The following ADGRE5 variants were observed in gnomAD, a reference collection of about 807,000 sequenced individuals.
The protein encoded by ADGRE5 is CD97 molecule.
In ADGRE5, 72 loss-of-function variants were observed where a neutral mutation model predicts 100.3. The ratio of observed to expected loss-of-function variants is 0.72; its 90% CI spans 0.59 to 0.87. The LOEUF (loss-of-function observed/expected upper bound fraction) is 0.87. Among genes scored for constraint, ADGRE5 ranks in the 40% least tolerant of loss-of-function variants. ADGRE5 has a pLI of 0.00. For missense variants in ADGRE5, 959 were observed against 1,094.7 expected (o/e 0.88, Z 1.75); for synonymous variants, 439 against 447.8 (o/e 0.98, Z 0.25).
At chr19:14,394,366 C>T (rs1975701430) in intron 4 of ADGRE5, among the ~76,000 whole-genome samples, 2 of 152,028 alleles carry the variant, frequency 1.3e-5, no homozygotes. Flanking sequence ...AGTGTCACAG[C>T]CCATGGGGCC....
rs1976241951 is a variant in ADGRE5, at chr19:14,406,432, G to T, written c.1923G>T (p.Val641=). The change falls in exon 15 of 20, where the codon GTG becomes GTT. Residue 641 remains valine (V), a synonymous_variant. Coordinates refer to ENST00000242786, the MANE Select transcript of ADGRE5 (RefSeq NM_078481.4). This position sits in a 1 kb window ranked among gnomAD's most constrained non-coding sequence, Gnocchi z 6.0. ...AAGGCCTGGAGCTCTACTTTCTTGT[G>T]GTGCGCGTGTTCCAAGGCCAGGGCC... ...SLEGLELYFL[V]VRVFQGQGLS... is the part of the protein sequence containing the mutation. 1.9e-6 allele frequency: 3 copies of T among 1,587,944 alleles called. No homozygotes were observed. The highest frequency in any genetic ancestry group is 1.8e-5 in the Admixed American group (1 of 55,612).
rs983249356 is a variant in ADGRE5 at position 14,406,148 on chromosome 19, G to C, written c.1822-183G>C. Among the ~76,000 whole-genome samples the C allele has an allele frequency of 2.6e-5, 4 of 152,164 alleles. No homozygotes were observed. The highest frequency in any genetic ancestry group is 5.9e-5 in the Non-Finnish European group (4 of 68,022). On this transcript the variant is annotated intron_variant, in intron 14 of 19. Transcript: ENST00000242786. The surrounding 1 kb of genome is among the most constrained non-coding windows in gnomAD (Gnocchi z 6.0). ...GGAGCTGCCTGGCCACACCCCGAGT[G>C]CCCGCTCGCTTCTGAGCGTTGTTGG...
chr19:14,397,215 T>G lies in ADGRE5; in HGVS notation c.617T>G (p.Val206Gly). Residue 206 changes from valine to glycine, a missense_variant, in exon 6 of 20, where the codon GTC becomes GGC. Coordinates refer to ENST00000242786, the MANE Select transcript of ADGRE5 (RefSeq NM_078481.4). The stretch of plus-strand genomic sequence containing the variant: ...TCCCCCAATGGCCCAAACAATACCG[T>G]CTGTGAAGGTCGAGAGCTCAGATCC... ...PGSPNGPNNTVCEDVDECSSG... is the reference protein window; with the variant it reads ...PGSPNGPNNTGCEDVDECSSG... The G allele has an allele frequency of 1.2e-6, 2 of 1,613,908 alleles. No individual in the cohort carries two copies. The highest frequency in any genetic ancestry group is 1.7e-6 in the Non-Finnish European group (2 of 1,179,946).
Position 14,401,894 on chromosome 19 carries a change from G to T in ADGRE5, c.1183+134G>T. 1.8e-6 allele frequency: 1 copy of T among 545,722 alleles called. No individual in the cohort carries two copies. Among genetic ancestry groups the T allele is most frequent in the Non-Finnish European group, 3.1e-6 (1 of 321,812 alleles). 33.8% of individuals were successfully genotyped at this position (545,722 alleles called of 1,614,324 possible). A position where few individuals can be genotyped will look rare whatever the true frequency, so the allele number is the denominator to read the frequency against. ...GCCTGCAATCCCAGCATTTTGGGAG[G>T]CCCAGGTGGGTAGATCGCTTGAGCT... On this transcript the variant is annotated intron_variant, in intron 11 of 19. Coordinates refer to ENST00000242786, the MANE Select transcript of ADGRE5 (RefSeq NM_078481.4). This position sits in a 1 kb window ranked among gnomAD's most constrained non-coding sequence, Gnocchi z 4.1.
chr19:14,404,440 G>T lies in ADGRE5; in HGVS notation c.1507G>T (p.Asp503Tyr). ...CTGTGCCTTCTGGAAGAGTGACAGC[G>T]ACAGGGGAGGGCACTGGGCCACCGA... is the stretch of plus-strand genomic sequence containing the variant. The part of the protein sequence containing the change: ...LLCAFWKSDS[D>Y]RGGHWATEGC... The change falls in exon 13 of 20, where the codon GAC (aspartate) becomes TAC (tyrosine). Residue 503 changes from aspartate to tyrosine, a missense_variant. By Grantham distance (160) the Asp-to-Tyr change is radical. This residue lies in a region of ADGRE5 where 19 missense variants were observed against 46.8 expected (regional missense o/e 0.41). Transcript: ENST00000242786. The T allele has an allele frequency of 1.9e-6, 3 of 1,612,194 alleles. No homozygotes were observed. The highest frequency in any genetic ancestry group is 2.5e-6 in the Non-Finnish European group (3 of 1,179,816).
At chr19:14,386,371 T>A in intron 1 of ADGRE5, 1 of 84,690 alleles carries the variant, frequency 1.2e-5, no homozygotes, top group Non-Finnish European at 2.0e-5. Flanking sequence ...AGAGCAAGAC[T>A]CCATCTCAAA....
rs1976218848 is a variant in ADGRE5, at chr19:14,406,064, C to T, written c.1821+125C>T. 1.2e-6 allele frequency: 1 copy of T among 859,146 alleles called. No homozygotes were observed. The highest frequency in any genetic ancestry group is 1.7e-6 in the Non-Finnish European group (1 of 572,990). 53.2% of individuals were successfully genotyped at this position (859,146 alleles called of 1,614,324 possible). A position where few individuals can be genotyped will look rare whatever the true frequency, so the allele number is the denominator to read the frequency against. On this transcript the variant is annotated intron_variant, in intron 14 of 19. Transcript: ENST00000242786. The surrounding 1 kb of genome is among the most constrained non-coding windows in gnomAD (Gnocchi z 6.0). ...TGGAGGCATGAGGCCCCGCCCCTGT[C>T]CGGGATCTGGCCCCGCCCACCGGGG... is the stretch of plus-strand genomic sequence containing the variant.
chr19:14,407,870 G>T, intron 18 of ADGRE5, 38 bp from the exon 19 acceptor site: 3 of 1,564,148 alleles, frequency 1.9e-6, no homozygotes, highest in Middle Eastern at 1.7e-4. Context: ...ATGGTCCCAG[G>T]GCCTGCTCCT....
chr19:14,391,127 GT>G (rs1201511466), intron 4 of ADGRE5, 48 bp downstream of exon 4: 1 of 1,610,646 alleles, frequency 6.2e-7, no homozygotes, highest in Non-Finnish European at 8.5e-7. Context: ...GAGGTTTGGG[GT>G]CACCAGAGCC....
At chr19:14,392,723 C>T (rs57168445) in intron 4 of ADGRE5, among the ~76,000 whole-genome samples, 1,860 of 150,836 alleles carry the variant, frequency 0.012, 27 homozygotes, top group African/African-American at 0.042. Context: ...GCCAACATGG[C>T]GAAACCCTGT....
At chr19:14,405,508 C>T (rs1976189423) in intron 13 of ADGRE5, 2 of 490,478 alleles carry the variant, frequency 4.1e-6, no homozygotes, top group South Asian at 6.6e-5. Context: ...TTGTCGAAAA[C>T]TGCAATTAAC....
rs578154949 is a variant in ADGRE5, at chr19:14,388,509, G to C, written c.73+9G>C. On this transcript the variant is annotated intron_variant, in intron 2 of 19. Coordinates refer to ENST00000242786, the MANE Select transcript of ADGRE5 (RefSeq NM_078481.4). The stretch of plus-strand genomic sequence containing the variant: ...AACCCAGGACTCCAGGGGTGAGTCT[G>C]CTGGGAAGCAGAAAGCACAGTCCAC... The C allele has an allele frequency of 2.4e-5, 38 of 1,581,754 alleles. No individual in the cohort carries two copies. Among genetic ancestry groups the C allele is most frequent in the Non-Finnish European group, 3.1e-5 (36 of 1,163,284 alleles).
intron 18 of ADGRE5, among the ~76,000 whole-genome samples, chr19:14,407,476 CCT>C (rs1447789388): frequency 5.3e-5 from 8 of 152,074 alleles, no homozygotes; most frequent in African/African-American, 1.4e-4. Context: ...ATGGTGAAAC[CCT>C]GTCTCTACTA....
At chr19:14,395,582 C>T (rs1041705558) in intron 4 of ADGRE5, among the ~76,000 whole-genome samples, 4 of 152,232 alleles carry the variant, frequency 2.6e-5, no homozygotes, top group Non-Finnish European at 5.9e-5. Context: ...CCTCTCTAGC[C>T]ACAGGCCCCC....
In ADGRE5 at chr19:14,406,414, G is replaced by A. The variant is rs112374262; in HGVS notation, c.1905G>A (p.Leu635=). ...TCTGCTGGATGAGCCTCGAAGGCCT[G>A]GAGCTCTACTTTCTTGTGGTGCGCG... The part of the protein sequence containing the change: ...AAFCWMSLEG[L]ELYFLVVRVF... The change falls in exon 15 of 20, where the codon CTG becomes CTA. Residue 635 remains leucine (L), a synonymous_variant. Coordinates refer to ENST00000242786, the MANE Select transcript of ADGRE5 (RefSeq NM_078481.4). This position sits in a 1 kb window ranked among gnomAD's most constrained non-coding sequence, Gnocchi z 6.0. 3,398 of 1,592,020 alleles carry A rather than the reference G, an allele frequency of 2.1e-3. 77 individuals are homozygous for A. In the African/African-American group the frequency reaches 0.041, roughly 19 times the overall value.
At chr19:14,397,533 A>G in intron 6 of ADGRE5, 125 bp from the exon 7 acceptor site, 1 of 1,478,472 alleles carries the variant, frequency 6.8e-7, no homozygotes, top group South Asian at 1.2e-5. Context: ...CCACGCTTCC[A>G]TAACCCAGCG....
At position 14,402,636 on chromosome 19, in the gene ADGRE5, C is replaced by T. The variant is rs138661222; in HGVS notation, c.1223C>T (p.Thr408Met). Residue 408 changes from threonine (T) to methionine (M), a missense_variant, in exon 12 of 20, where the codon ACG becomes ATG. Coordinates refer to ENST00000242786, the MANE Select transcript of ADGRE5 (RefSeq NM_078481.4). ...GGCATCCTCTCCATCCAGAACATGA[C>T]GACATTGCTGGCCAATGCCTCCTTG... ...VAGILSIQNM[T>M]TLLANASLNL... The T allele has an allele frequency of 3.0e-5, 49 of 1,614,098 alleles. 2 individuals are homozygous for T. Among genetic ancestry groups the T allele is most frequent in the Admixed American group, 2.7e-4 (16 of 60,002 alleles).
At chr19:14,403,589 A>C (rs945617374) in intron 12 of ADGRE5, among the ~76,000 whole-genome samples, 1 of 152,094 alleles carries the variant, frequency 6.6e-6, no homozygotes, top group East Asian at 1.9e-4. Context: ...CCTGGGCTCC[A>C]GTGATCCTCC....
chr19:14,388,091 T>A (rs116612913), intron 1 of ADGRE5, among the ~76,000 whole-genome samples: 3,393 of 150,662 alleles, frequency 0.023, 134 homozygotes, highest in African/African-American at 0.077. Context: ...GAAAAAAAAA[T>A]TTAGTGCACA....
Sources: allele counts gnomAD v4.1 joint callset (sites outside exome capture counted in the v4.1 genomes callset), GRCh38; gene constraint gnomAD v4.1.1; regional missense constraint gnomAD v4.1.1; non-coding constraint Gnocchi (gnomAD v3.1); transcripts MANE v1.5; gene names NCBI Gene and HGNC (gene_info 2026-07-23, HGNC 2026-07-21).